TMEM116: variants seen among roughly 807,000 people sequenced by gnomAD.
TMEM116 encodes transmembrane protein 116.
A neutral mutation model predicts 44.3 loss-of-function variants in TMEM116; 38 were observed. The ratio of observed to expected loss-of-function variants is 0.86; its 90% CI spans 0.66 to 1.12. The LOEUF (loss-of-function observed/expected upper bound fraction) is 1.12, where lower values mean the gene tolerates loss of function less well. TMEM116 is among the 50% of genes most tolerant of loss of function. TMEM116 has a pLI of 0.00. For missense variants in TMEM116, 354 were observed against 401.7 expected, an observed-to-expected ratio of 0.88 and a Z score of 1.01; for synonymous variants, 132 against 144.8, an observed-to-expected ratio of 0.91 and a Z score of 0.64.
intron 4 of TMEM116, chr12:111,965,761 TA>T (rs59183823): frequency 0.11 from 33,759 of 312,234 alleles, 1,739 homozygotes; most frequent in East Asian, 0.58. Flanking sequence ...CCGTCTCCCC[TA>T]AAAAAAAAAA....
In TMEM116 at chr12:111,940,480, T is replaced by TACAC. The variant is rs145433427; in HGVS notation, c.316-2274_316-2271dup. Among the ~76,000 whole-genome samples, 5,339 of 128,430 alleles carry TACAC rather than the reference T, an allele frequency of 0.042. 699 individuals are homozygous for TACAC. The East Asian group carries it at 0.54, about 13-fold the overall frequency. The allele number at this position is 128,430 out of a possible 152,430, so 84.3% of individuals were successfully genotyped here. ...TGCCCCCCACATATATATATATACA[T>TACAC]ACACACACACACACACACATATATA... On this transcript the variant is annotated intron_variant, in intron 5 of 10. Coordinates refer to ENST00000552374, the MANE Select transcript of TMEM116 (RefSeq NM_001193531.2).
At chr12:111,973,138 A>G (rs1369397646) in intron 4 of TMEM116, among the ~76,000 whole-genome samples, 2 of 152,082 alleles carry the variant, frequency 1.3e-5, no homozygotes, top group East Asian at 3.9e-4. Flanking sequence ...ACTCTGTCTC[A>G]AAAAAACAAA....
chr12:111,985,504 A>C (rs148099552), intron 4 of TMEM116, among the ~76,000 whole-genome samples: 1 of 152,352 alleles, frequency 6.6e-6, no homozygotes, highest in African/African-American at 2.4e-5. Context: ...GTATACTAAA[A>C]AGTATAAAAC....
intron 3 of TMEM116, among the ~76,000 whole-genome samples, chr12:112,002,042 T>C (rs1323085145): frequency 6.6e-6 from 1 of 152,150 alleles, no homozygotes; most frequent in South Asian, 2.1e-4. Context: ...ATAATATCCA[T>C]CTCAAAGTTT....
intron 4 of TMEM116, among the ~76,000 whole-genome samples, chr12:111,950,607 G>T (rs1400795095): frequency 6.6e-6 from 1 of 152,054 alleles, no homozygotes; most frequent in African/African-American, 2.4e-5. Flanking sequence ...AATAAATGGT[G>T]CTGGGATAAC....
At chr12:111,937,589 T>C (rs1440643394) in intron 6 of TMEM116, among the ~76,000 whole-genome samples, 1 of 152,192 alleles carries the variant, frequency 6.6e-6, no homozygotes, top group African/African-American at 2.4e-5. Flanking sequence ...TGTTTTACTT[T>C]CTATGGTGAC....
chr12:111,955,208 AGCT>A (rs1298617354), intron 4 of TMEM116, among the ~76,000 whole-genome samples: 3 of 152,316 alleles, frequency 2.0e-5, no homozygotes, highest in African/African-American at 7.2e-5. Flanking sequence ...TCAGGGCTGC[AGCT>A]GCTGACTCTT....
chr12:111,991,653 A>C, intron 4 of TMEM116, 105 bp downstream of exon 4: 2 of 1,145,552 alleles, frequency 1.7e-6, no homozygotes, highest in African/African-American at 3.1e-5. Context: ...AAAATGTAAC[A>C]ATAAACAAAT....
intron 4 of TMEM116, chr12:111,978,848 C>G: frequency 2.5e-6 from 1 of 397,356 alleles, no homozygotes; most frequent in South Asian, 1.9e-5. Context: ...GTTATAGCTG[C>G]CTGAACTAAG....
intron 5 of TMEM116, among the ~76,000 whole-genome samples, chr12:111,940,540 TATATACAC>T (rs1229785768): frequency 6.0e-4 from 64 of 105,838 alleles, no homozygotes; most frequent in African/African-American, 3.6e-3. Context: ...TATATATATA[TATATACAC>T]ACACACATAT....
At chr12:111,978,386 G>C (rs1053847795) in intron 4 of TMEM116, among the ~76,000 whole-genome samples, 1 of 148,684 alleles carries the variant, frequency 6.7e-6, no homozygotes, top group Non-Finnish European at 1.5e-5. Context: ...GACAGAGTGA[G>C]ACTTCATTTC....
At chr12:111,949,723 G>T (rs1286710915) in intron 4 of TMEM116, among the ~76,000 whole-genome samples, 1 of 152,114 alleles carries the variant, frequency 6.6e-6, no homozygotes, top group Non-Finnish European at 1.5e-5. Flanking sequence ...TGTACCTATA[G>T]AATGGACTAG....
chr12:111,984,555 T>C (rs1263145359), intron 4 of TMEM116, among the ~76,000 whole-genome samples: 4 of 152,148 alleles, frequency 2.6e-5, no homozygotes, highest in Non-Finnish European at 4.4e-5. Flanking sequence ...AAGGTGACTA[T>C]AGTCAACAAT....
chr12:112,007,353 G>A (rs934841362), intron 1 of TMEM116, among the ~76,000 whole-genome samples: 2 of 152,298 alleles, frequency 1.3e-5, no homozygotes, highest in East Asian at 3.9e-4. Flanking sequence ...GGCGGAGGTT[G>A]CAATGAGCTG....
intron 1 of TMEM116, chr12:112,012,741 G>GTGAC (rs2077904423): frequency 6.6e-6 from 1 of 152,502 alleles, no homozygotes; most frequent in South Asian, 2.1e-4. Context: ...CAGGGACCGA[G>GTGAC]TGACTACCTG....
chr12:112,005,587 C>G (rs981966485), intron 1 of TMEM116: 1 of 574,392 alleles, frequency 1.7e-6, no homozygotes, highest in Non-Finnish European at 2.2e-6. Context: ...ACTAGCCAGG[C>G]ACTGAGGCTC....
chr12:111,945,343 C>CAAAAAAAA (rs917839133), intron 4 of TMEM116, among the ~76,000 whole-genome samples: 3 of 33,812 alleles, frequency 8.9e-5, no homozygotes, highest in Non-Finnish European at 1.5e-4. Context: ...GACTCCATCT[C>CAAAAAAAA]AAAAAAAAAA....
In TMEM116 at chr12:111,934,021, T is replaced by C. The variant is rs755672254; in HGVS notation, c.598A>G (p.Ile200Val). ...LSLLTIMVLL[I>V]RAQTLYKKFV... is the part of the protein sequence containing the mutation. ...TTCTTATACAATGTCTGGGCTCGGA[T>C]AAGTAAGACCTAAATATGAGTACAG... is the stretch of plus-strand genomic sequence containing the variant. The change falls in exon 9 of 11, where the codon ATC (isoleucine) becomes GTC (valine). Residue 200 changes from isoleucine (I) to valine (V), a missense_variant. Transcript: ENST00000552374. The C allele has an allele frequency of 6.2e-7, 1 of 1,614,152 alleles. No individual in the cohort carries two copies. The highest frequency in any genetic ancestry group is 1.1e-5 in the South Asian group (1 of 91,084).
chr12:111,968,775 C>T (rs2075130368), intron 4 of TMEM116, among the ~76,000 whole-genome samples: 1 of 151,494 alleles, frequency 6.6e-6, no homozygotes, highest in South Asian at 2.1e-4. Context: ...GGTGGATCAC[C>T]TGAGGTCAGG....
Sources: allele counts gnomAD v4.1 joint callset (sites outside exome capture counted in the v4.1 genomes callset), GRCh38; gene constraint gnomAD v4.1.1; transcripts MANE v1.5; gene names NCBI Gene and HGNC (gene_info 2026-07-23, HGNC 2026-07-21).